INPP5A: variants seen among roughly 807,000 people sequenced by gnomAD.
INPP5A encodes 43 kDa inositol polyphosphate 5-phophatase.
In INPP5A, 14 loss-of-function variants were observed where a neutral mutation model predicts 65.2. The observed-to-expected ratio is 0.21, with a 90% CI of 0.14 to 0.34. The LOEUF is 0.34. INPP5A is among the 10% of genes least tolerant of loss of function. INPP5A has a pLI of 1.00. For missense variants in INPP5A, 431 were observed against 545.6 expected, an observed-to-expected ratio of 0.79 and a Z score of 2.09; for synonymous variants, 207 against 208.3, an observed-to-expected ratio of 0.99 and a Z score of 0.05.
intron 1 of INPP5A, among the ~76,000 whole-genome samples, chr10:132,595,858 T>C (rs1004741638): frequency 6.6e-6 from 1 of 152,124 alleles, no homozygotes; most frequent in Non-Finnish European, 1.5e-5. Context: ...AAGGACTGAC[T>C]CCCAGAAATA....
At chr10:132,724,029 G>C (rs1056310044) in intron 8 of INPP5A, among the ~76,000 whole-genome samples, 11 of 152,188 alleles carry the variant, frequency 7.2e-5, no homozygotes, top group African/African-American at 2.7e-4. Flanking sequence ...CAAGACTTTC[G>C]TGGGCTTTGC....
chr10:132,718,194 C>T (rs553084486), intron 8 of INPP5A, among the ~76,000 whole-genome samples: 12 of 142,140 alleles, frequency 8.4e-5, no homozygotes, highest in African/African-American at 2.7e-4. Context: ...GCGCCTTAGA[C>T]GGCTGTCTTC....
At chr10:132,751,277 G>C (rs956338102) in intron 11 of INPP5A, among the ~76,000 whole-genome samples, 1 of 152,242 alleles carries the variant, frequency 6.6e-6, no homozygotes, top group Non-Finnish European at 1.5e-5. Context: ...GGAGCCCATG[G>C]TCCTTTCCCC....
At chr10:132,647,174 G>A (rs1206255872) in intron 3 of INPP5A, among the ~76,000 whole-genome samples, 1 of 150,222 alleles carries the variant, frequency 6.7e-6, no homozygotes, top group East Asian at 2.0e-4. Flanking sequence ...GGAGTGCAGT[G>A]GCGTGATCTG....
intron 2 of INPP5A, among the ~76,000 whole-genome samples, chr10:132,615,825 G>T (rs374667134): frequency 2.0e-5 from 3 of 152,262 alleles, no homozygotes; most frequent in African/African-American, 7.2e-5. Flanking sequence ...GGAGCTGGTT[G>T]GAGACTGAGG....
chr10:132,664,168 G>C (rs943993900), intron 4 of INPP5A, among the ~76,000 whole-genome samples: 2 of 152,200 alleles, frequency 1.3e-5, no homozygotes, highest in Non-Finnish European at 2.9e-5. Flanking sequence ...TTCACTTCCG[G>C]AGCCCCGTGA....
intron 4 of INPP5A, among the ~76,000 whole-genome samples, chr10:132,655,390 C>T (rs1398872419): frequency 6.6e-6 from 1 of 152,208 alleles, no homozygotes; most frequent in Non-Finnish European, 1.5e-5. Context: ...ACACAGGCCT[C>T]GACACTGAAG....
chr10:132,561,487 G>T (rs2071205326), intron 1 of INPP5A, among the ~76,000 whole-genome samples: 3 of 151,754 alleles, frequency 2.0e-5, no homozygotes, highest in African/African-American at 7.3e-5. Flanking sequence ...TGGCATCCTT[G>T]TTGGAAGTTA....
chr10:132,539,978 A>G (rs534148575), intron 1 of INPP5A, among the ~76,000 whole-genome samples: 2 of 152,232 alleles, frequency 1.3e-5, no homozygotes, highest in Admixed American at 1.3e-4. Context: ...ATTATTAACA[A>G]CTTCATCTAG....
chr10:132,538,324 TC>T lies in INPP5A; in HGVS notation c.75+155del, dbSNP rs1175336997. On this transcript the variant is annotated intron_variant, in intron 1 of 15. Coordinates refer to ENST00000368594, the MANE Select transcript of INPP5A (RefSeq NM_005539.5). The surrounding 1 kb of genome is among the most constrained non-coding windows in gnomAD (Gnocchi z 4.1). ...CTGTACCCGGGACCCCAGACTCCTG[TC>T]CTGATTCCCAAGTCTGGGAGCCCAG... Among the ~76,000 whole-genome samples the T allele has an allele frequency of 6.6e-6, 1 of 151,964 alleles. No individual in the cohort carries two copies. The highest frequency in any genetic ancestry group is 1.9e-4 in the East Asian group (1 of 5,168).
At position 132,550,245 on chromosome 10, in the gene INPP5A, C is replaced by T. The variant is rs1421383140; in HGVS notation, c.75+12074C>T. 1.3e-5 allele frequency among the ~76,000 whole-genome samples: 2 copies of T among 152,168 alleles called. No individual in the cohort carries two copies. Among genetic ancestry groups the T allele is most frequent in the Non-Finnish European group, 2.9e-5 (2 of 68,028 alleles). On this transcript the variant is annotated intron_variant, in intron 1 of 15. Coordinates refer to ENST00000368594, the MANE Select transcript of INPP5A (RefSeq NM_005539.5). The surrounding 1 kb of genome is among the most constrained non-coding windows in gnomAD (Gnocchi z 4.2). ...TGCCACTGTTTAGGGTCAGAGTGGTCCCGCAGGTTAATTCACTTCACCCAG... is the reference window on the plus strand; with the variant it reads ...TGCCACTGTTTAGGGTCAGAGTGGTTCCGCAGGTTAATTCACTTCACCCAG...
chr10:132,547,306 G>A lies in INPP5A; in HGVS notation c.75+9135G>A, dbSNP rs972487575. Among the ~76,000 whole-genome samples, 2 of 152,198 alleles carry A rather than the reference G, an allele frequency of 1.3e-5. No individual in the cohort carries two copies. The highest frequency in any genetic ancestry group is 2.9e-5 in the Non-Finnish European group (2 of 68,024). On this transcript the variant is annotated intron_variant, in intron 1 of 15. Transcript: ENST00000368594. The surrounding 1 kb of genome is among the most constrained non-coding windows in gnomAD (Gnocchi z 5.5). ...TGTCAGCCTTTGGGCTGAGTGAGGC[G>A]TTACTGCCATCAGGGGTCCCTGGAG...
At chr10:132,597,120 TATGTGCAC>T (rs1346167728) in intron 1 of INPP5A, among the ~76,000 whole-genome samples, 1 of 152,044 alleles carries the variant, frequency 6.6e-6, no homozygotes, top group African/African-American at 2.4e-5. Flanking sequence ...TGTGCATGGG[TATGTGCAC>T]GTGTGCATGT....
Position 132,663,799 on chromosome 10 carries a change from C to T in INPP5A, c.306+13294C>T, listed in dbSNP as rs901639395. ...CCCCTAGGGGTGAAGTCATCTCGCT[C>T]CTCTTCTGAGCCGTGAGCTGGGCAG... On this transcript the variant is annotated intron_variant, in intron 4 of 15. Coordinates refer to ENST00000368594, the MANE Select transcript of INPP5A (RefSeq NM_005539.5). The surrounding 1 kb of genome is among the most constrained non-coding windows in gnomAD (Gnocchi z 4.5). Among the ~76,000 whole-genome samples the T allele has an allele frequency of 6.6e-6, 1 of 152,182 alleles. No individual in the cohort carries two copies. The highest frequency in any genetic ancestry group is 1.5e-5 in the Non-Finnish European group (1 of 68,034).
At chr10:132,635,772 C>T (rs2133379200) in intron 2 of INPP5A, among the ~76,000 whole-genome samples, 1 of 151,120 alleles carries the variant, frequency 6.6e-6, no homozygotes, top group Middle Eastern at 3.4e-3. Flanking sequence ...TGAGACCAGC[C>T]TGAGCAACAT....
chr10:132,572,449 G>T (rs893461909), intron 1 of INPP5A, among the ~76,000 whole-genome samples: 2 of 152,208 alleles, frequency 1.3e-5, no homozygotes, highest in Non-Finnish European at 2.9e-5. Context: ...TCGTAGGGCT[G>T]TGCTGGTGCT....
chr10:132,643,912 C>T (rs886765891), intron 2 of INPP5A, among the ~76,000 whole-genome samples: 5 of 151,962 alleles, frequency 3.3e-5, no homozygotes, highest in Non-Finnish European at 7.4e-5. Context: ...TGTCCTAGGG[C>T]GTGTAGACAC....
At position 132,675,456 on chromosome 10, in the gene INPP5A, G is replaced by A. The variant is rs1191454560; in HGVS notation, c.307-14936G>A. ...GAGACTCAAGGCAGTTGGGGGAAGCGGGCAAATGGCCATGGGCATTGGTTG... is the reference window on the plus strand; with the variant it reads ...GAGACTCAAGGCAGTTGGGGGAAGCAGGCAAATGGCCATGGGCATTGGTTG... On this transcript the variant is annotated intron_variant, in intron 4 of 15. Coordinates refer to ENST00000368594, the MANE Select transcript of INPP5A (RefSeq NM_005539.5). This position sits in a 1 kb window ranked among gnomAD's most constrained non-coding sequence, Gnocchi z 4.2. Among the ~76,000 whole-genome samples the A allele has an allele frequency of 6.6e-6, 1 of 152,238 alleles. No individual in the cohort carries two copies. The highest frequency in any genetic ancestry group is 1.5e-5 in the Non-Finnish European group (1 of 68,046).
In INPP5A at chr10:132,707,129, C is replaced by A. The variant is rs1173859780; in HGVS notation, c.475-1184C>A. 6.6e-6 allele frequency among the ~76,000 whole-genome samples: 1 copy of A among 152,214 alleles called. No individual in the cohort carries two copies. Among genetic ancestry groups the A allele is most frequent in the Non-Finnish European group, 1.5e-5 (1 of 68,044 alleles). ...ACGGGTGTTTCGTCCACAGTTAACT[C>A]CAGATTCCCATCTGCTTTCATCTCC... On this transcript the variant is annotated intron_variant, in intron 6 of 15. Coordinates refer to ENST00000368594, the MANE Select transcript of INPP5A (RefSeq NM_005539.5). The surrounding 1 kb of genome is among the most constrained non-coding windows in gnomAD (Gnocchi z 5.5).
Sources: gnomAD v4.1 joint callset for allele counts (sites outside exome capture counted in the v4.1 genomes callset) on GRCh38, gnomAD v4.1.1 for gene constraint, Gnocchi (gnomAD v3.1) non-coding constraint, MANE v1.5 for transcripts, NCBI Gene and HGNC (gene_info 2026-07-23, HGNC 2026-07-21) for gene names.